Variants in CSTF3 observed in about 807,000 individuals in gnomAD.
CSTF3 encodes the protein CF-1 77 kDa subunit.
CSTF3 carries 29 observed loss-of-function variants against 105.8 expected under a neutral mutation model. The ratio of observed to expected loss-of-function variants is 0.27; its 90% CI spans 0.20 to 0.37. CSTF3 has a LOEUF of 0.37. Ranked by LOEUF, CSTF3 falls within the 10% of genes least tolerant of loss-of-function variation. CSTF3 has a pLI of 1.00. For synonymous variants in CSTF3, 252 were observed against 281.9 expected, an observed-to-expected ratio of 0.89 and a Z score of 1.06; for missense variants, 357 against 879.3, an observed-to-expected ratio of 0.41 and a Z score of 7.51.
chr11:33,160,181 G>A (rs1849921536), intron 1 of CSTF3, among the ~76,000 whole-genome samples: 1 of 151,922 alleles, frequency 6.6e-6, no homozygotes, highest in African/African-American at 2.4e-5. Context: ...CTAACACTAT[G>A]TAAAATGTAA....
At chr11:33,093,016 TCTA>T (rs1404462820) in intron 15 of CSTF3, among the ~76,000 whole-genome samples, 4 of 152,234 alleles carry the variant, frequency 2.6e-5, no homozygotes, top group Admixed American at 6.5e-5. Context: ...AACCATTGAA[TCTA>T]CTACTAACAA....
Position 33,093,527 on chromosome 11 carries a change from T to TA in CSTF3, c.1376-1188dup, listed in dbSNP as rs537505491. Among the ~76,000 whole-genome samples the TA allele has an allele frequency of 2.0e-4, 30 of 152,224 alleles. 1 individual carries two copies. The highest frequency in any genetic ancestry group is 3.2e-3 in the Middle Eastern group (1 of 316). ...AATACAAGCCACATATGGAATTTAA[T>TA]AAAATGGGTAAAAACAGGTGAAATT... On this transcript the variant is annotated intron_variant, in intron 15 of 20. Transcript: ENST00000323959.
At chr11:33,109,124 G>A (rs1241052540) in intron 3 of CSTF3, among the ~76,000 whole-genome samples, 2 of 152,154 alleles carry the variant, frequency 1.3e-5, no homozygotes, top group African/African-American at 4.8e-5. Context: ...GCTGAAGAAA[G>A]GGAAGAGTTA....
chr11:33,103,597 G>A (rs146920019), intron 8 of CSTF3, among the ~76,000 whole-genome samples: 3 of 152,124 alleles, frequency 2.0e-5, no homozygotes, highest in South Asian at 4.2e-4. Flanking sequence ...GTGAAACCCC[G>A]TTTCTACTAA....
intron 1 of CSTF3, 139 bp downstream of exon 1, chr11:33,161,160 T>C (rs1849936471): frequency 1.3e-6 from 1 of 791,354 alleles, no homozygotes; most frequent in Non-Finnish European, 2.0e-6. Flanking sequence ...TTGCTCCCCA[T>C]TCCCACCACT....
At chr11:33,128,732 G>A (rs947898180) in intron 3 of CSTF3, among the ~76,000 whole-genome samples, 10 of 152,032 alleles carry the variant, frequency 6.6e-5, no homozygotes, top group African/African-American at 2.4e-4. Context: ...ATGACTAGAA[G>A]CAAAATTCAG....
intron 3 of CSTF3, among the ~76,000 whole-genome samples, chr11:33,108,957 G>A (rs1420915013): frequency 6.6e-6 from 1 of 152,148 alleles, no homozygotes; most frequent in Non-Finnish European, 1.5e-5. Context: ...ATAAGACAAC[G>A]AAGTGGAAGG....
At chr11:33,152,558 G>A (rs368289665) in intron 1 of CSTF3, among the ~76,000 whole-genome samples, 1 of 152,312 alleles carries the variant, frequency 6.6e-6, no homozygotes, top group East Asian at 1.9e-4. Context: ...GTTATGTGAA[G>A]CTAACTAACT....
intron 17 of CSTF3, among the ~76,000 whole-genome samples, chr11:33,088,478 C>T (rs1431218605): frequency 6.6e-6 from 1 of 152,092 alleles, no homozygotes; most frequent in Admixed American, 6.5e-5. Flanking sequence ...CGGGGTTTCA[C>T]CATGTTGGCC....
intron 13 of CSTF3, among the ~76,000 whole-genome samples, chr11:33,098,123 T>G (rs539489930): frequency 7.2e-5 from 11 of 152,258 alleles, no homozygotes; most frequent in Non-Finnish European, 1.2e-4. Context: ...ATAATTGACT[T>G]GAGGCAGAGG....
chr11:33,130,201 G>A (rs992299359), intron 3 of CSTF3, among the ~76,000 whole-genome samples: 11 of 152,190 alleles, frequency 7.2e-5, no homozygotes, highest in African/African-American at 2.4e-4. Context: ...GGCTGGGCAT[G>A]GTGGCTCATG....
At chr11:33,108,040 A>C in intron 4 of CSTF3, 40 bp from the exon 5 acceptor site, 1 of 1,291,354 alleles carries the variant, frequency 7.7e-7, no homozygotes. Flanking sequence ...CCAGTTAAAT[A>C]AATTTCACAT....
At chr11:33,159,655 C>T (rs1590293784) in intron 1 of CSTF3, among the ~76,000 whole-genome samples, 1 of 150,012 alleles carries the variant, frequency 6.7e-6, no homozygotes, top group African/African-American at 2.5e-5. Context: ...CGCCTGTACT[C>T]CCAGCTACGG....
chr11:33,152,164 A>G (rs1466309872), intron 1 of CSTF3, among the ~76,000 whole-genome samples: 1 of 152,180 alleles, frequency 6.6e-6, no homozygotes, highest in Non-Finnish European at 1.5e-5. Flanking sequence ...CTAAGGTGGG[A>G]GGATCCCTTG....
At position 33,096,946 on chromosome 11, in the gene CSTF3, T is replaced by C; in HGVS notation, c.1161A>G (p.Arg387=). ...VYIQYMKFAR[R]AEGIKSGRMI... ...TTCTTCCAGATTTGATGCCTTCTGC[T>C]CTCCGTGCAAATTTCATATATTGGA... is the stretch of plus-strand genomic sequence containing the variant. The change falls in exon 14 of 21, where the codon AGA becomes AGG. Residue 387 remains arginine, a synonymous_variant. Transcript: ENST00000323959. 6.2e-7 allele frequency: 1 copy of C among 1,611,176 alleles called. No individual in the cohort carries two copies. The highest frequency in any genetic ancestry group is 8.5e-7 in the Non-Finnish European group (1 of 1,177,760).
intron 8 of CSTF3, among the ~76,000 whole-genome samples, chr11:33,103,501 C>T (rs976323831): frequency 7.2e-5 from 11 of 152,174 alleles, no homozygotes; most frequent in Middle Eastern, 3.4e-3. Context: ...AATGACATGG[C>T]TCATGCCTGT....
At chr11:33,118,563 T>C (rs1855456791) in intron 3 of CSTF3, among the ~76,000 whole-genome samples, 1 of 151,860 alleles carries the variant, frequency 6.6e-6, no homozygotes, top group Non-Finnish European at 1.5e-5. Flanking sequence ...TTAACATTCA[T>C]GGCTCAATTG....
chr11:33,097,618 C>T (rs930782714), intron 13 of CSTF3, among the ~76,000 whole-genome samples: 5 of 152,190 alleles, frequency 3.3e-5, no homozygotes, highest in African/African-American at 4.8e-5. Flanking sequence ...CTGCCTGCCT[C>T]GACCTCCCAA....
Position 33,090,651 on chromosome 11 carries a change from G to C in CSTF3, c.1522C>G (p.Arg508Gly). The change falls in exon 17 of 21, where the codon CGG (arginine) becomes GGG (glycine). Residue 508 changes from arginine (R) to glycine (G), a missense_variant. Physicochemically the swap from Arg to Gly is moderately radical, Grantham distance 125 (BLOSUM62 -2). This residue lies in a region of CSTF3 where 206 missense variants were observed against 576.5 expected (regional missense o/e 0.36). Coordinates refer to ENST00000323959, the MANE Select transcript of CSTF3 (RefSeq NM_001326.3). ...LASILKVEKR[R>G]FTAFKEEYEG... ...TACTCTTCTTTGAATGCTGTAAACC[G>C]TCTTTTCTCCACTTTGAGTATACTA... 6.2e-7 allele frequency: 1 copy of C among 1,611,450 alleles called. No homozygotes were observed. Among genetic ancestry groups the C allele is most frequent in the Non-Finnish European group, 8.5e-7 (1 of 1,178,920 alleles).
Sources: allele counts gnomAD v4.1 joint callset (sites outside exome capture counted in the v4.1 genomes callset), GRCh38; gene constraint gnomAD v4.1.1; regional missense constraint gnomAD v4.1.1; transcripts MANE v1.5; gene names NCBI Gene and HGNC (gene_info 2026-07-23, HGNC 2026-07-21).